PPP2R2B: variants seen among roughly 807,000 people sequenced by gnomAD.
PPP2R2B encodes the protein serine/threonine-protein phosphatase 2A 55 kDa regulatory subunit B beta isoform.
PPP2R2B carries 5 observed loss-of-function variants against 46.0 expected under a neutral mutation model. The observed-to-expected ratio is 0.11, with a 90% CI of 0.06 to 0.23. PPP2R2B has a LOEUF of 0.23. Ranked by LOEUF, PPP2R2B falls within the 10% of genes least tolerant of loss-of-function variation. PPP2R2B has a pLI of 1.00. For synonymous variants in PPP2R2B, 215 were observed against 206.7 expected, an observed-to-expected ratio of 1.04 and a Z score of -0.34; for missense variants, 367 against 575.0, an observed-to-expected ratio of 0.64 and a Z score of 3.70.
rs1755644664 is a variant in PPP2R2B at position 146,783,259 on chromosome 5, A to G, written c.71-82117T>C. Reference sequence around the variant, plus strand: ...CATCCCCAGGTTTAATTTATGGCCCAGGTTACACTGCATAATCAGCTGGAC... The same window carrying G: ...CATCCCCAGGTTTAATTTATGGCCCGGGTTACACTGCATAATCAGCTGGAC... On this transcript the variant is annotated intron_variant, in intron 2 of 9. Transcript: ENST00000394411. Among the ~76,000 whole-genome samples the G allele has an allele frequency of 2.0e-5, 3 of 152,216 alleles. No individual in the cohort carries two copies. In the South Asian group the frequency reaches 6.2e-4, roughly 32 times the overall value.
chr5:146,658,996 T>A (rs981093485), intron 5 of PPP2R2B, among the ~76,000 whole-genome samples: 2 of 152,062 alleles, frequency 1.3e-5, no homozygotes, highest in Admixed American at 1.3e-4. Context: ...CATATATTCA[T>A]AAAAGAAAAA....
chr5:146,975,682 C>G (rs1163812940), intron 1 of PPP2R2B, among the ~76,000 whole-genome samples: 2 of 152,182 alleles, frequency 1.3e-5, no homozygotes, highest in Non-Finnish European at 2.9e-5. Context: ...GACAGCCATC[C>G]TAATGGGTGT....
chr5:146,921,552 G>C lies in PPP2R2B; in HGVS notation c.79+134113C>G, dbSNP rs115594546. 9.9e-3 allele frequency among the ~76,000 whole-genome samples: 1,506 copies of C among 152,288 alleles called. 18 individuals are homozygous for C. The highest frequency in any genetic ancestry group is 0.034 in the African/African-American group (1,424 of 41,564). ...GACACTTAAGATTTCGTTTCTTAGA[G>C]AGACATGAGAAAAGACTCAAAAGAT... is the stretch of plus-strand genomic sequence containing the variant. On this transcript the variant is annotated intron_variant, in intron 1 of 8. Coordinates refer to the PPP2R2B transcript ENST00000336640.
chr5:146,966,508 C>G (rs1561545671), intron 1 of PPP2R2B, among the ~76,000 whole-genome samples: 2 of 152,224 alleles, frequency 1.3e-5, no homozygotes, highest in Non-Finnish European at 2.9e-5. Flanking sequence ...CCTCCTCTGA[C>G]ATGACCTAAG....
intron 7 of PPP2R2B, among the ~76,000 whole-genome samples, chr5:146,602,304 G>A (rs145980429): frequency 1.2e-3 from 185 of 152,160 alleles, no homozygotes; most frequent in African/African-American, 4.1e-3. Flanking sequence ...TCTTATTTTC[G>A]TATTCAGAGT....
At chr5:146,663,934 C>T (rs1422730624) in intron 5 of PPP2R2B, among the ~76,000 whole-genome samples, 1 of 152,030 alleles carries the variant, frequency 6.6e-6, no homozygotes, top group African/African-American at 2.4e-5. Flanking sequence ...CCTCTGCCTC[C>T]CGGGTTTAAG....
intron 2 of PPP2R2B, among the ~76,000 whole-genome samples, chr5:146,829,666 T>TAA (rs1446366640): frequency 2.0e-5 from 3 of 152,142 alleles, no homozygotes; most frequent in Non-Finnish European, 1.5e-5. Flanking sequence ...CTGACTTATG[T>TAA]AAAAGAGGCG....
At chr5:146,792,090 G>A (rs1168782514) in intron 2 of PPP2R2B, among the ~76,000 whole-genome samples, 1 of 152,162 alleles carries the variant, frequency 6.6e-6, no homozygotes, top group Admixed American at 6.5e-5. Flanking sequence ...CAAAGAGGCT[G>A]GAACAGCTGC....
chr5:146,733,400 A>G (rs2151209260), intron 2 of PPP2R2B, among the ~76,000 whole-genome samples: 1 of 152,358 alleles, frequency 6.6e-6, no homozygotes, highest in Admixed American at 6.5e-5. Flanking sequence ...AGATACCCCA[A>G]CAGAACTACC....
At chr5:146,975,695 G>A (rs751783513) in intron 1 of PPP2R2B, among the ~76,000 whole-genome samples, 10 of 152,124 alleles carry the variant, frequency 6.6e-5, no homozygotes, top group African/African-American at 2.4e-4. Context: ...ATGGGTGTGA[G>A]GTAATACTGT....
chr5:146,811,056 T>A (rs1306019417), intron 2 of PPP2R2B, among the ~76,000 whole-genome samples: 3 of 152,102 alleles, frequency 2.0e-5, no homozygotes, highest in African/African-American at 7.2e-5. Flanking sequence ...CAGGCTGGAG[T>A]GCAATGGTGC....
intron 1 of PPP2R2B, among the ~76,000 whole-genome samples, chr5:146,941,600 C>T (rs1355007102): frequency 3.3e-5 from 5 of 152,120 alleles, no homozygotes; most frequent in Non-Finnish European, 2.9e-5. Flanking sequence ...TTTGTGCCCA[C>T]CTGATAGAAC....
rs181841392 is a variant in PPP2R2B, at chr5:146,853,597, A to G, written c.70+24405T>C. Among the ~76,000 whole-genome samples, 181 of 152,258 alleles carry G rather than the reference A, an allele frequency of 1.2e-3. 1 individual carries two copies. Among genetic ancestry groups the G allele is most frequent in the African/African-American group, 4.3e-3 (177 of 41,572 alleles). On this transcript the variant is annotated intron_variant, in intron 2 of 9. Coordinates refer to ENST00000394411, the MANE Select transcript of PPP2R2B (RefSeq NM_181675.4). ...GTGATTTCAAAACCCTAATTGAGTAACTAATGCATGTAAAGGGCTTAGTAC... is the reference window on the plus strand; with the variant it reads ...GTGATTTCAAAACCCTAATTGAGTAGCTAATGCATGTAAAGGGCTTAGTAC...
chr5:146,681,428 C>T (rs437879), intron 5 of PPP2R2B, among the ~76,000 whole-genome samples: 36,856 of 151,818 alleles, frequency 0.24, 6,504 homozygotes, highest in African/African-American at 0.5. Context: ...TTTCGGGGAC[C>T]GGAGACACAC....
intron 2 of PPP2R2B, among the ~76,000 whole-genome samples, chr5:146,729,078 G>A (rs759873887): frequency 1.3e-5 from 2 of 152,196 alleles, no homozygotes; most frequent in Admixed American, 1.3e-4. Flanking sequence ...ACTTCCTAGA[G>A]ACTTGTTGAA....
chr5:146,698,154 A>G lies in PPP2R2B; in HGVS notation c.169-10T>C. On this transcript the variant is annotated splice_polypyrimidine_tract_variant and intron_variant, in intron 3 of 9. Transcript: ENST00000394411. ...GAACCTGATTTTTACTCTGTAGGAA[A>G]GGAAAAAAATACACAACAGATTAAA... 6.3e-7 allele frequency: 1 copy of G among 1,575,900 alleles called. No homozygotes were observed. Among genetic ancestry groups the G allele is most frequent in the Non-Finnish European group, 8.6e-7 (1 of 1,167,206 alleles).
upstream of PPP2R2B, among the ~76,000 whole-genome samples, chr5:147,056,864 T>C (rs1245902304): frequency 6.6e-6 from 1 of 152,190 alleles, no homozygotes; most frequent in Non-Finnish European, 1.5e-5. Flanking sequence ...TTGGGGTTTA[T>C]AAGTTCTGTC....
intron 2 of PPP2R2B, among the ~76,000 whole-genome samples, chr5:146,762,215 T>G (rs1415218287): frequency 6.6e-6 from 1 of 152,254 alleles, no homozygotes; most frequent in Admixed American, 6.5e-5. Context: ...AACAGTTTAC[T>G]GCAGAATATA....
At chr5:146,907,311 A>G (rs778391903) in intron 1 of PPP2R2B, among the ~76,000 whole-genome samples, 3 of 152,188 alleles carry the variant, frequency 2.0e-5, no homozygotes, top group Non-Finnish European at 2.9e-5. Flanking sequence ...ATTTTAAGCC[A>G]TCTATGTGCA....
Sources: allele counts gnomAD v4.1 joint callset (sites outside exome capture counted in the v4.1 genomes callset), GRCh38; gene constraint gnomAD v4.1.1; transcripts MANE v1.5; gene names NCBI Gene and HGNC (gene_info 2026-07-23, HGNC 2026-07-21).